SKIC3: variants seen among roughly 807,000 people sequenced by gnomAD.
The protein encoded by SKIC3 is SKI3 subunit of superkiller complex, also known as superkiller complex protein 3.
chr5:95,486,225 A>G, the SKIC3 span, among the ~76,000 whole-genome samples: 1 of 152,194 alleles, frequency 6.6e-6, no homozygotes, highest in Non-Finnish European at 1.5e-5. Context: ...CTGTATCTCC[A>G]CAGTCCTAGA....
the SKIC3 span, among the ~76,000 whole-genome samples, chr5:95,540,460 TA>T: frequency 1.9e-4 from 28 of 145,592 alleles, no homozygotes; most frequent in African/African-American, 4.3e-4. Flanking sequence ...AATTAAAAAT[TA>T]AAAAAAAAAC....
chr5:95,529,973 A>G, the SKIC3 span: 1 of 1,270,576 alleles, frequency 7.9e-7, no homozygotes, highest in South Asian at 1.3e-5. Flanking sequence ...GTATGCAGGT[A>G]CATTTTTTCC....
chr5:95,521,597 T>C, the SKIC3 span: 1 of 156,296 alleles, frequency 6.4e-6, no homozygotes, highest in South Asian at 1.9e-4. Flanking sequence ...AGGTTATATA[T>C]GGATGGTGGT....
At chr5:95,478,326 C>G in the SKIC3 span, 1 of 1,613,948 alleles carries the variant, frequency 6.2e-7, no homozygotes, top group East Asian at 2.2e-5. Context: ...CTAGTCTCAA[C>G]AGACTTGAGA....
chr5:95,551,610 TC>T, the SKIC3 span, among the ~76,000 whole-genome samples: 2 of 152,206 alleles, frequency 1.3e-5, no homozygotes, highest in Non-Finnish European at 2.9e-5. Context: ...TTGGCTGCCC[TC>T]CTCACCCAAT....
chr5:95,519,284 A>G, the SKIC3 span, among the ~76,000 whole-genome samples: 15 of 152,120 alleles, frequency 9.9e-5, no homozygotes, highest in East Asian at 2.7e-3. Context: ...TAAATAACAC[A>G]TGGCAATTTC....
chr5:95,524,450 T>C, the SKIC3 span: 1 of 1,612,354 alleles, frequency 6.2e-7, no homozygotes, highest in Non-Finnish European at 8.5e-7. Flanking sequence ...AATTGAATTG[T>C]AGCACTTGCT....
the SKIC3 span, among the ~76,000 whole-genome samples, chr5:95,470,122 C>T: frequency 5.3e-5 from 8 of 151,994 alleles, no homozygotes; most frequent in South Asian, 2.1e-4. Flanking sequence ...GGACTACAGG[C>T]GCCCGCCACC....
chr5:95,484,650 T>A, the SKIC3 span: 1 of 1,605,678 alleles, frequency 6.2e-7, no homozygotes, highest in Non-Finnish European at 8.5e-7. Context: ...TCTAGCCTCA[T>A]ACATTCCATT....
the SKIC3 span, chr5:95,484,680 T>C: frequency 1.9e-6 from 3 of 1,613,458 alleles, no homozygotes; most frequent in East Asian, 6.7e-5. Flanking sequence ...ATTTTCCCAG[T>C]AAGATAAGAA....
the SKIC3 span, chr5:95,513,004 TAG>T: frequency 4.4e-6 from 1 of 226,186 alleles, no homozygotes; most frequent in African/African-American, 2.3e-5. Flanking sequence ...ATCTTTTTCC[TAG>T]AGTCTCAGTT....
the SKIC3 span, among the ~76,000 whole-genome samples, chr5:95,526,280 T>C: frequency 6.6e-6 from 1 of 152,108 alleles, no homozygotes; most frequent in Non-Finnish European, 1.5e-5. Context: ...AATTTAACTG[T>C]TGAAAAATAT....
At chr5:95,492,358 C>T in the SKIC3 span, among the ~76,000 whole-genome samples, 1 of 151,292 alleles carries the variant, frequency 6.6e-6, no homozygotes, top group Non-Finnish European at 1.5e-5. Context: ...GACAACTGGC[C>T]GGGCGCGGTG....
chr5:95,537,912 AT>A, the SKIC3 span, among the ~76,000 whole-genome samples: 1 of 152,192 alleles, frequency 6.6e-6, no homozygotes, highest in Non-Finnish European at 1.5e-5. Flanking sequence ...AATAAGTAAA[AT>A]TTTGCTGCCC....
At chr5:95,492,678 A>AAAAAAAAAAAAAAAAAAAAAAT in the SKIC3 span, among the ~76,000 whole-genome samples, 1 of 142,384 alleles carries the variant, frequency 7.0e-6, no homozygotes, top group Non-Finnish European at 1.5e-5. Context: ...AAAAAAAAAA[A>AAAAAAAAAAAAAAAAAAAAAAT]AAAAAAAAAA....
the SKIC3 span, among the ~76,000 whole-genome samples, chr5:95,516,059 A>G: frequency 6.6e-6 from 1 of 152,184 alleles, no homozygotes. Context: ...ACATGTGTAC[A>G]GATTTAAAAA....
the SKIC3 span, chr5:95,464,584 C>T: frequency 6.3e-7 from 1 of 1,577,586 alleles, no homozygotes; most frequent in Non-Finnish European, 8.7e-7. Flanking sequence ...TTCTTTGCTT[C>T]CTTACTATAA....
the SKIC3 span, among the ~76,000 whole-genome samples, chr5:95,538,600 T>C: frequency 2.0e-5 from 3 of 152,124 alleles, no homozygotes; most frequent in Non-Finnish European, 2.9e-5. Context: ...AGCTATTTAC[T>C]ATAATAAGAC....
chr5:95,504,947 A>G, the SKIC3 span, among the ~76,000 whole-genome samples: 1 of 152,078 alleles, frequency 6.6e-6, no homozygotes, highest in South Asian at 2.1e-4. Flanking sequence ...GGAGGTTGCA[A>G]TGAGCCGAGA....
Sources: allele counts gnomAD v4.1 joint callset (sites outside exome capture counted in the v4.1 genomes callset), GRCh38; gene constraint gnomAD v4.1.1; transcripts MANE v1.5; gene names NCBI Gene and HGNC (gene_info 2026-07-23, HGNC 2026-07-21).